PIBF1: variants seen among roughly 807,000 people sequenced by gnomAD.
PIBF1 encodes the protein progesterone immunomodulatory binding factor 1.
PIBF1 carries 90 observed loss-of-function variants against 112.5 expected under a neutral mutation model. The ratio of observed to expected loss-of-function variants is 0.80; its 90% confidence interval spans 0.67 to 0.95. The LOEUF (loss-of-function observed/expected upper bound fraction) is 0.95, where lower values mean the gene tolerates loss of function less well. Among genes scored for constraint, PIBF1 ranks in the 40% least tolerant of loss-of-function variants. The pLI is 0.00. For synonymous variants in PIBF1, 301 were observed against 288.6 expected (o/e 1.04, Z -0.44); for missense variants, 915 against 852.3 (o/e 1.07, Z -0.92).
chr13:72,987,858 A>ATTTATTTT lies in PIBF1; in HGVS notation c.2050-10961_2050-10960insATTTTTTT, dbSNP rs1345167411. ...TTGTAATTTATTTATTTATTTATTT[A>ATTTATTTT]TTTTTTTTTTTTTTTTTTTTTTTGA... is the stretch of plus-strand genomic sequence containing the variant. On this transcript the variant is annotated intron_variant, in intron 16 of 17. Coordinates refer to ENST00000326291, the MANE Select transcript of PIBF1 (RefSeq NM_006346.4). Among the ~76,000 whole-genome samples, 248 of 57,990 alleles carry ATTTATTTT rather than the reference A, an allele frequency of 4.3e-3. 11 individuals are homozygous for ATTTATTTT. The highest frequency in any genetic ancestry group is 0.022 in the African/African-American group (234 of 10,594). The allele number at this position is 57,990 out of a possible 152,430, so 38.0% of individuals were successfully genotyped here.
intron 17 of PIBF1, among the ~76,000 whole-genome samples, chr13:73,008,812 T>C (rs889035731): frequency 3.9e-5 from 6 of 152,264 alleles, no homozygotes; most frequent in African/African-American, 1.2e-4. Flanking sequence ...AAAGAAGGCA[T>C]GACATCGAAC....
intron 14 of PIBF1, among the ~76,000 whole-genome samples, chr13:72,933,951 T>TG (rs1289330624): frequency 2.0e-5 from 3 of 152,244 alleles, no homozygotes; most frequent in Non-Finnish European, 4.4e-5. Flanking sequence ...TGTTTGAAGT[T>TG]GGATGACGTT....
chr13:72,869,594 T>C (rs1230597126), intron 10 of PIBF1, among the ~76,000 whole-genome samples: 1 of 151,318 alleles, frequency 6.6e-6, no homozygotes. Context: ...TGTGCACATG[T>C]ACCCTAAAAC....
rs958975786 is a variant in PIBF1, at chr13:72,931,390, T to G, written c.1833+123T>G. ...TGCTAGTACAAAATGATTTCACAATTTATGAAACTAACTGAATGTTAAGGC... is the reference window on the plus strand; with the variant it reads ...TGCTAGTACAAAATGATTTCACAATGTATGAAACTAACTGAATGTTAAGGC... On this transcript the variant is annotated intron_variant, in intron 14 of 17. Coordinates refer to ENST00000326291, the MANE Select transcript of PIBF1 (RefSeq NM_006346.4). The G allele has an allele frequency of 1.1e-5, 8 of 710,854 alleles. No homozygotes were observed. The South Asian group carries it at 1.2e-4, about 11-fold the overall frequency. The allele number at this position is 710,854 out of a possible 1,614,324, so 44.0% of individuals were successfully genotyped here.
intron 2 of PIBF1, among the ~76,000 whole-genome samples, chr13:72,786,247 T>C (rs1396611488): frequency 6.6e-6 from 1 of 152,196 alleles, no homozygotes; most frequent in African/African-American, 2.4e-5. Flanking sequence ...TGTGGTTTTC[T>C]AGTTTGACTG....
At chr13:72,953,819 G>A (rs562221028) in intron 14 of PIBF1, among the ~76,000 whole-genome samples, 10 of 152,264 alleles carry the variant, frequency 6.6e-5, no homozygotes, top group East Asian at 5.8e-4. Flanking sequence ...TACCAGGTGC[G>A]GTGGTAGTAG....
At chr13:72,974,627 CAT>C (rs1309284604) in intron 16 of PIBF1, among the ~76,000 whole-genome samples, 1 of 152,080 alleles carries the variant, frequency 6.6e-6, no homozygotes, top group African/African-American at 2.4e-5. Context: ...CTACATTAGT[CAT>C]ATGTTTCCTT....
At chr13:72,860,704 G>A (rs1007058380) in intron 10 of PIBF1, among the ~76,000 whole-genome samples, 2 of 151,994 alleles carry the variant, frequency 1.3e-5, no homozygotes, top group African/African-American at 2.4e-5. Flanking sequence ...ACATTTTTAT[G>A]ATTAAACAAC....
At chr13:72,924,115 A>G (rs1253795124) in intron 13 of PIBF1, among the ~76,000 whole-genome samples, 2 of 152,152 alleles carry the variant, frequency 1.3e-5, no homozygotes, top group African/African-American at 4.8e-5. Context: ...TCCCACTTGT[A>G]AGATCCCAGA....
chr13:72,913,331 T>C (rs2138677441), intron 12 of PIBF1, among the ~76,000 whole-genome samples: 1 of 152,240 alleles, frequency 6.6e-6, no homozygotes, highest in East Asian at 1.9e-4. Flanking sequence ...TAACTGTAAA[T>C]ACATATTGAA....
rs545616023 is a variant in PIBF1, at chr13:72,799,374, C to A, written c.672+1348C>A. ...AGTCTTAGAGATAATTTACTTAAGT[C>A]TTGCCATAGAACCAATATTTCAGAC... On this transcript the variant is annotated intron_variant, in intron 5 of 17. Transcript: ENST00000326291. Among the ~76,000 whole-genome samples the A allele has an allele frequency of 3.0e-4, 46 of 152,226 alleles. 1 individual carries two copies. The South Asian group carries it at 9.1e-3, about 30-fold the overall frequency.
chr13:72,846,802 T>G (rs530179725), intron 9 of PIBF1, among the ~76,000 whole-genome samples: 36 of 152,304 alleles, frequency 2.4e-4, no homozygotes, highest in Non-Finnish European at 4.3e-4. Flanking sequence ...TTACTTTGGG[T>G]TTTTTTCCTA....
At chr13:73,014,672 A>G (rs765042738) in intron 17 of PIBF1, among the ~76,000 whole-genome samples, 1 of 152,250 alleles carries the variant, frequency 6.6e-6, no homozygotes, top group Non-Finnish European at 1.5e-5. Flanking sequence ...GCCGGAGAGT[A>G]TATGGGATAT....
intron 16 of PIBF1, among the ~76,000 whole-genome samples, chr13:72,987,858 A>ATTTTTTTTTTTTTTTTTTTTTTTTTTTTT (rs55999445): frequency 2.9e-4 from 17 of 58,132 alleles, no homozygotes; most frequent in African/African-American, 1.4e-3. Flanking sequence ...TTATTTATTT[A>ATTTTTTTTTTTTTTTTTTTTTTTTTTTTT]TTTTTTTTTT....
At chr13:72,948,071 C>T (rs528299937) in intron 14 of PIBF1, among the ~76,000 whole-genome samples, 61 of 152,068 alleles carry the variant, frequency 4.0e-4, no homozygotes, top group African/African-American at 1.4e-3. Context: ...CACACCAGGG[C>T]CTGTCTCGGG....
At chr13:72,989,458 A>G (rs972627492) in intron 16 of PIBF1, among the ~76,000 whole-genome samples, 8 of 152,330 alleles carry the variant, frequency 5.3e-5, no homozygotes, top group Middle Eastern at 3.4e-3. Flanking sequence ...ACATTATACT[A>G]AGTGAAAGAA....
intron 9 of PIBF1, among the ~76,000 whole-genome samples, chr13:72,839,315 G>A (rs909821792): frequency 2.6e-5 from 4 of 152,176 alleles, no homozygotes; most frequent in African/African-American, 9.7e-5. Flanking sequence ...AACTCGTTAA[G>A]GATGTCAGCA....
At chr13:72,878,077 C>T (rs2039483139) in intron 10 of PIBF1, among the ~76,000 whole-genome samples, 1 of 151,780 alleles carries the variant, frequency 6.6e-6, no homozygotes, top group African/African-American at 2.4e-5. Context: ...AATTTAGGTC[C>T]TCTCTTTTTC....
intron 10 of PIBF1, among the ~76,000 whole-genome samples, chr13:72,859,208 A>G (rs2038582301): frequency 6.6e-6 from 1 of 152,176 alleles, no homozygotes; most frequent in African/African-American, 2.4e-5. Context: ...AAGTATCACC[A>G]AGAGTTAGGA....
Sources: gnomAD v4.1 joint callset for allele counts (sites outside exome capture counted in the v4.1 genomes callset) on GRCh38, gnomAD v4.1.1 for gene constraint, MANE v1.5 for transcripts, NCBI Gene and HGNC (gene_info 2026-07-23, HGNC 2026-07-21) for gene names.